The following SORCS3 variants were observed in gnomAD, a reference collection of about 807,000 sequenced individuals.
SORCS3 encodes the protein sortilin related VPS10 domain containing receptor 3.
SORCS3 carries 57 observed loss-of-function variants against 146.3 expected under a neutral mutation model. That is an observed-to-expected ratio of 0.39 (90% CI 0.31 to 0.49). The LOEUF is 0.49. Among genes scored for constraint, SORCS3 ranks in the 20% least tolerant of loss-of-function variants. The pLI, the probability that SORCS3 is intolerant of heterozygous loss-of-function variation, is 0.92. For missense variants in SORCS3, 1,341 were observed against 1,575.5 expected, an observed-to-expected ratio of 0.85 and a Z score of 2.52; for synonymous variants, 653 against 618.5, an observed-to-expected ratio of 1.06 and a Z score of -0.83.
intron 1 of SORCS3, among the ~76,000 whole-genome samples, chr10:104,811,996 AAAAT>A (rs748004012): frequency 6.6e-6 from 1 of 152,246 alleles, no homozygotes; most frequent in Non-Finnish European, 1.5e-5. Flanking sequence ...TATATAAACA[AAAAT>A]AAAAGGAATT....
At chr10:105,167,553 A>G (rs1241799986) in intron 13 of SORCS3, among the ~76,000 whole-genome samples, 1 of 152,118 alleles carries the variant, frequency 6.6e-6, no homozygotes, top group Admixed American at 6.6e-5. Flanking sequence ...GGGAGGTGTA[A>G]TGAATGGGGT....
intron 7 of SORCS3, among the ~76,000 whole-genome samples, chr10:105,124,210 A>T (rs4646978): frequency 0.51 from 77,426 of 152,138 alleles, 20,000 homozygotes; most frequent in Admixed American, 0.55. Context: ...AAGCTGCTGT[A>T]CAAGCACTTG....
chr10:105,086,585 C>A (rs1183993733), intron 5 of SORCS3, among the ~76,000 whole-genome samples: 1 of 152,060 alleles, frequency 6.6e-6, no homozygotes, highest in Non-Finnish European at 1.5e-5. Context: ...GTTTGGTTGC[C>A]TTGTTTTAAG....
chr10:105,000,055 C>CTGAA (rs10558991), intron 4 of SORCS3, among the ~76,000 whole-genome samples: 6,981 of 150,684 alleles, frequency 0.046, 188 homozygotes, highest in Middle Eastern at 0.075. Flanking sequence ...CATTCACCTG[C>CTGAA]TGAATGAATG....
chr10:105,237,455 A>G (rs1485853253), intron 20 of SORCS3, among the ~76,000 whole-genome samples: 1 of 152,172 alleles, frequency 6.6e-6, no homozygotes, highest in Non-Finnish European at 1.5e-5. Context: ...TAGCATTTGT[A>G]TTTAGGCTAA....
At chr10:105,117,091 G>A (rs1380183511) in intron 7 of SORCS3, among the ~76,000 whole-genome samples, 3 of 151,916 alleles carry the variant, frequency 2.0e-5, no homozygotes, top group African/African-American at 4.8e-5. Context: ...CTTATGTCAG[G>A]TAGGCAAGTC....
At chr10:104,786,054 C>CT (rs2017431787) in intron 1 of SORCS3, among the ~76,000 whole-genome samples, 1 of 152,166 alleles carries the variant, frequency 6.6e-6, no homozygotes, top group Non-Finnish European at 1.5e-5. Flanking sequence ...GGAGGATCCT[C>CT]TTTAGTCCCT....
chr10:104,821,272 T>C (rs1356003127), intron 1 of SORCS3, among the ~76,000 whole-genome samples: 2 of 152,116 alleles, frequency 1.3e-5, no homozygotes, highest in East Asian at 3.9e-4. Flanking sequence ...GCATGTGGAA[T>C]GGGAGATACC....
At chr10:104,840,754 G>T (rs989321727) in intron 1 of SORCS3, among the ~76,000 whole-genome samples, 5 of 152,270 alleles carry the variant, frequency 3.3e-5, no homozygotes, top group Non-Finnish European at 5.9e-5. Flanking sequence ...ATTCTATGTA[G>T]ATTTTGCACT....
chr10:104,726,468 G>T (rs867814991), intron 1 of SORCS3, among the ~76,000 whole-genome samples: 1 of 152,124 alleles, frequency 6.6e-6, no homozygotes, highest in African/African-American at 2.4e-5. Flanking sequence ...TAAGGCCTGC[G>T]TGTGCCATGA....
chr10:105,244,170 T>C (rs1360223857), intron 20 of SORCS3, among the ~76,000 whole-genome samples: 1 of 152,094 alleles, frequency 6.6e-6, no homozygotes, highest in Non-Finnish European at 1.5e-5. Flanking sequence ...GCACTGACTT[T>C]AAGATGCCCA....
intron 4 of SORCS3, among the ~76,000 whole-genome samples, chr10:105,005,477 A>C (rs1023541514): frequency 2.0e-5 from 3 of 152,202 alleles, no homozygotes; most frequent in Non-Finnish European, 4.4e-5. Context: ...TGAGGAAGAA[A>C]TACAAAGGCT....
At chr10:105,011,757 T>C (rs984731688) in intron 4 of SORCS3, among the ~76,000 whole-genome samples, 2 of 152,168 alleles carry the variant, frequency 1.3e-5, no homozygotes, top group African/African-American at 4.8e-5. Flanking sequence ...CACGTTTCCA[T>C]TCCTCTTTCC....
At chr10:105,013,311 A>G (rs2055146021) in intron 4 of SORCS3, among the ~76,000 whole-genome samples, 1 of 152,072 alleles carries the variant, frequency 6.6e-6, no homozygotes, top group Non-Finnish European at 1.5e-5. Context: ...AACATTACAA[A>G]CTCTTTTAAA....
rs182536371 is a variant in SORCS3 at position 105,173,338 on chromosome 10, A to T, written c.1902-4728A>T. 5.3e-3 allele frequency among the ~76,000 whole-genome samples: 801 copies of T among 152,180 alleles called. 7 individuals carry two copies. Among genetic ancestry groups the T allele is most frequent in the African/African-American group, 0.019 (782 of 41,522 alleles). ...AAACACAAAAAAACAACAACAAAAA[A>T]AGAAAGAAACCAAAAAAACTGCTTC... On this transcript the variant is annotated intron_variant, in intron 13 of 26. Transcript: ENST00000369701.
At chr10:104,815,809 A>G (rs1172188642) in intron 1 of SORCS3, among the ~76,000 whole-genome samples, 1 of 152,254 alleles carries the variant, frequency 6.6e-6, no homozygotes, top group African/African-American at 2.4e-5. Context: ...TTATTTCTAT[A>G]TAGCTGTAAT....
At chr10:104,970,036 A>T (rs2054850584) in intron 3 of SORCS3, among the ~76,000 whole-genome samples, 2 of 152,224 alleles carry the variant, frequency 1.3e-5, no homozygotes, top group Admixed American at 6.5e-5. Flanking sequence ...ACCTGCATAA[A>T]ATAAGCAGTT....
chr10:104,818,872 C>T (rs182879130), intron 1 of SORCS3, among the ~76,000 whole-genome samples: 12 of 152,078 alleles, frequency 7.9e-5, no homozygotes, highest in East Asian at 7.8e-4. Flanking sequence ...TAGCTAAGTA[C>T]GGCATGCATG....
intron 1 of SORCS3, among the ~76,000 whole-genome samples, chr10:104,749,176 A>G (rs1236539996): frequency 3.3e-5 from 5 of 151,802 alleles, no homozygotes; most frequent in Non-Finnish European, 7.4e-5. Context: ...GGATTAATCA[A>G]GTGTGGTTAC....
Sources: gnomAD v4.1 joint callset for allele counts (sites outside exome capture counted in the v4.1 genomes callset) on GRCh38, gnomAD v4.1.1 for gene constraint, MANE v1.5 for transcripts, NCBI Gene and HGNC (gene_info 2026-07-23, HGNC 2026-07-21) for gene names.